The following COL5A3 variants were observed in gnomAD, a reference collection of about 807,000 sequenced individuals.
The protein encoded by COL5A3 is collagen type V alpha 3 chain.
Under a neutral mutation model 250.0 loss-of-function variants are expected in COL5A3, and 172 were observed. The observed-to-expected ratio is 0.69, with a 90% CI of 0.61 to 0.78. The LOEUF (loss-of-function observed/expected upper bound fraction) is 0.78, where lower values mean the gene tolerates loss of function less well. Among genes scored for constraint, COL5A3 ranks in the 30% least tolerant of loss-of-function variants. The pLI, the probability that COL5A3 is intolerant of heterozygous loss-of-function variation, is 0.00. For synonymous variants in COL5A3, 937 were observed against 900.4 expected (o/e 1.04, Z -0.73); for missense variants, 2,340 against 2,334.4 (o/e 1.00, Z -0.05).
chr19:9,982,011 G>T, intron 32 of COL5A3, 54 bp downstream of exon 32: 1 of 1,364,530 alleles, frequency 7.3e-7, no homozygotes, highest in Non-Finnish European at 1.0e-6. Context: ...AACCACACAT[G>T]CTGTTCCCCT....
Position 9,977,474 on chromosome 19 carries a change from T to C in COL5A3, c.3127-2A>G, listed in dbSNP as rs2086939396. On this transcript the variant is annotated splice_acceptor_variant, in intron 42 of 66. Coordinates refer to ENST00000264828, the MANE Select transcript of COL5A3 (RefSeq NM_015719.4). LOFTEE classifies it high-confidence loss of function. ...GGGGCCAGGGGGGCCACGTTCTCCC[T>C]GTTGTGGGGAATGGAAAGGGGGATG... 1 of 1,514,492 alleles carries C rather than the reference T, an allele frequency of 6.6e-7. No individual in the cohort carries two copies. Among genetic ancestry groups the C allele is most frequent in the African/African-American group, 1.4e-5 (1 of 71,572 alleles). 93.8% of individuals were successfully genotyped at this position (1,514,492 alleles called of 1,614,324 possible). A position where few individuals can be genotyped will look rare whatever the true frequency, so the allele number is the denominator to read the frequency against.
intron 64 of COL5A3, among the ~76,000 whole-genome samples, chr19:9,963,890 C>T (rs2086704335): frequency 6.6e-6 from 1 of 152,088 alleles, no homozygotes; most frequent in Admixed American, 6.6e-5. Context: ...AACATGGGGC[C>T]AGGCGCGGTG....
chr19:9,980,211 C>G (rs765319287), intron 35 of COL5A3, among the ~76,000 whole-genome samples, 164 bp from the exon 36 acceptor site: 2 of 152,202 alleles, frequency 1.3e-5, no homozygotes, highest in Non-Finnish European at 2.9e-5. Context: ...ACCACTGTAG[C>G]CCTTTGGGTT....
chr19:9,995,015 C>G (rs531724212), intron 16 of COL5A3, among the ~76,000 whole-genome samples: 45 of 152,244 alleles, frequency 3.0e-4, no homozygotes, highest in African/African-American at 1.0e-3. Context: ...TCAAGCCATT[C>G]TCATGCCTCA....
At chr19:9,965,458 C>CTTTT (rs781503204) in intron 64 of COL5A3, among the ~76,000 whole-genome samples, 87 of 139,558 alleles carry the variant, frequency 6.2e-4, no homozygotes, top group East Asian at 5.0e-3. Context: ...GCCCGGCCTT[C>CTTTT]TTTTTTTTTT....
rs578148128 is a variant in COL5A3 at position 9,986,169 on chromosome 19, C to T, written c.2352+146G>A. ...CACATAAGTTGCATGCATTAAATTG[C>T]TCTGTAATGCTGAGCTGAGGAATTA... On this transcript the variant is annotated intron_variant, in intron 30 of 66. Coordinates refer to ENST00000264828, the MANE Select transcript of COL5A3 (RefSeq NM_015719.4). 111 of 637,886 alleles carry T rather than the reference C, an allele frequency of 1.7e-4. No individual in the cohort carries two copies. The East Asian group carries it at 2.9e-3, about 17-fold the overall frequency. The allele number at this position is 637,886 out of a possible 1,614,324, so 39.5% of individuals were successfully genotyped here.
intron 41 of COL5A3, 119 bp from the exon 42 acceptor site, chr19:9,977,820 C>T (rs2145087652): frequency 1.3e-6 from 1 of 747,612 alleles, no homozygotes; most frequent in Non-Finnish European, 1.9e-6. Context: ...ACCTGTTCCC[C>T]TCCTGCAGCA....
intron 57 of COL5A3, 44 bp downstream of exon 57, chr19:9,969,305 G>A (rs769189740): frequency 2.6e-6 from 4 of 1,539,120 alleles, no homozygotes; most frequent in Non-Finnish European, 3.5e-6. Context: ...GGTGCCCAGA[G>A]TGGTCCTCAG....
intron 31 of COL5A3, among the ~76,000 whole-genome samples, chr19:9,983,254 C>A (rs2087034459): frequency 6.6e-6 from 1 of 151,884 alleles, no homozygotes; most frequent in Non-Finnish European, 1.5e-5. Context: ...GTAATCCCAG[C>A]ACTTTGGGAG....
intron 15 of COL5A3, among the ~76,000 whole-genome samples, chr19:9,995,826 T>C (rs955035319): frequency 3.9e-5 from 6 of 152,184 alleles, no homozygotes; most frequent in Admixed American, 2.0e-4. Context: ...TTATTTATTG[T>C]ATAGACAGGG....
chr19:9,968,340 C>T lies in COL5A3; in HGVS notation c.4314+45G>A. The T allele has an allele frequency of 7.2e-7, 1 of 1,393,264 alleles. No individual in the cohort carries two copies. Among genetic ancestry groups the T allele is most frequent in the South Asian group, 1.2e-5 (1 of 82,914 alleles). The allele number at this position is 1,393,264 out of a possible 1,614,324, so 86.3% of individuals were successfully genotyped here. A position where few individuals can be genotyped will look rare whatever the true frequency, so the allele number is the denominator to read the frequency against. ...CCACACCCACAGTCTCTCAACCGAC[C>T]CCCTCCTTCAAATGCATTCTTCCCG... On this transcript the variant is annotated intron_variant, in intron 59 of 66. Coordinates refer to ENST00000264828, the MANE Select transcript of COL5A3 (RefSeq NM_015719.4). The surrounding 1 kb of genome is among the most constrained non-coding windows in gnomAD (Gnocchi z 4.1).
chr19:9,968,371 G>A lies in COL5A3; in HGVS notation c.4314+14C>T. 1.3e-6 allele frequency: 2 copies of A among 1,577,474 alleles called. No homozygotes were observed. Among genetic ancestry groups the A allele is most frequent in the Non-Finnish European group, 1.7e-6 (2 of 1,155,976 alleles). On this transcript the variant is annotated intron_variant, in intron 59 of 66. Coordinates refer to ENST00000264828, the MANE Select transcript of COL5A3 (RefSeq NM_015719.4). The surrounding 1 kb of genome is among the most constrained non-coding windows in gnomAD (Gnocchi z 4.1). ...CTTCAAATGCATTCTTCCCGCTCAG[G>A]TCAGGACACTCACAGGGTCTCCCTT...
chr19:9,963,028 G>A (rs2086693432), intron 64 of COL5A3, 141 bp from the exon 65 acceptor site: 2 of 640,872 alleles, frequency 3.1e-6, no homozygotes, highest in Admixed American at 2.6e-5. Flanking sequence ...AGCTCTGCCA[G>A]TGCACAATGG....
chr19:9,997,764 A>T (rs182346875), intron 10 of COL5A3, among the ~76,000 whole-genome samples: 41 of 152,074 alleles, frequency 2.7e-4, no homozygotes, highest in African/African-American at 8.9e-4. Flanking sequence ...ACTATTTTTT[A>T]AAAAAATATA....
In COL5A3 at chr19:10,001,867, G is replaced by A; in HGVS notation, c.864C>T (p.Ile288=). Residue 288 remains isoleucine (I), a synonymous_variant, in exon 7 of 67, where the codon ATC becomes ATT. Transcript: ENST00000264828. ...TTGGAGCTGGAGTCTCTGTCTTGGG[G>A]ATGTCAGTGGAGGTCTGGAGCAGGG... ...DSAENQTSTD[I]PKTETPAPNL... The A allele has an allele frequency of 1.9e-6, 3 of 1,613,914 alleles. No individual in the cohort carries two copies. The highest frequency in any genetic ancestry group is 2.2e-5 in the East Asian group (1 of 44,878).
chr19:9,961,004 A>C, intron 65 of COL5A3, 114 bp from the exon 66 acceptor site: 1 of 1,313,108 alleles, frequency 7.6e-7, no homozygotes, highest in Non-Finnish European at 1.0e-6. Context: ...CCATGTCACC[A>C]TCTCTGAGGA....
intron 13 of COL5A3, 50 bp from the exon 14 acceptor site, chr19:9,996,312 C>T (rs761833348): frequency 7.7e-5 from 119 of 1,547,566 alleles, no homozygotes; most frequent in Non-Finnish European, 1.1e-5. Flanking sequence ...AGACCCCCAA[C>T]ATTCCCCACA....
chr19:9,969,442 C>A, intron 56 of COL5A3, 40 bp from the exon 57 acceptor site: 1 of 1,599,842 alleles, frequency 6.3e-7, no homozygotes, highest in South Asian at 1.1e-5. Context: ...TGCACCCTGT[C>A]AGAACACAGT....
In COL5A3 at chr19:9,997,407, G is replaced by T. The variant is rs150339396; in HGVS notation, c.1227C>A (p.Pro409=). 2 of 1,609,456 alleles carry T rather than the reference G, an allele frequency of 1.2e-6. No individual in the cohort carries two copies. The highest frequency in any genetic ancestry group is 8.5e-7 in the Non-Finnish European group (1 of 1,178,342). The change falls in exon 11 of 67, where the codon CCC becomes CCA. Residue 409 remains proline (P), a synonymous_variant. Transcript: ENST00000264828. ...PQGVVGPSGP[P]GPPGFPGDPG... Reference sequence around the variant, plus strand: ...GGTCGCCAGGGAATCCTGGGGGGCCGGGAGGGCCTGAGGGGCCAACCACCC... The same window carrying T: ...GGTCGCCAGGGAATCCTGGGGGGCCTGGAGGGCCTGAGGGGCCAACCACCC...
Sources: allele counts gnomAD v4.1 joint callset (sites outside exome capture counted in the v4.1 genomes callset), GRCh38; gene constraint gnomAD v4.1.1; non-coding constraint Gnocchi (gnomAD v3.1); transcripts MANE v1.5; gene names NCBI Gene and HGNC (gene_info 2026-07-23, HGNC 2026-07-21).